The following NBAS variants were observed in gnomAD, a reference collection of about 807,000 sequenced individuals.
NBAS encodes NAG/BC035112 fusion.
In NBAS, 219 loss-of-function variants were observed where a neutral mutation model predicts 302.5. The ratio of observed to expected loss-of-function variants is 0.72; its 90% confidence interval spans 0.65 to 0.81. The LOEUF is 0.81. Ranked by LOEUF, NBAS falls within the 30% of genes least tolerant of loss-of-function variation. The pLI, the probability that NBAS is intolerant of heterozygous loss-of-function variation, is 0.00. For missense variants in NBAS, 2,932 were observed against 2,841.6 expected, an observed-to-expected ratio of 1.03 and a Z score of -0.72; for synonymous variants, 1,118 against 1,021.6, an observed-to-expected ratio of 1.09 and a Z score of -1.80.
At chr2:15,054,567 C>T in the NBAS span, among the ~76,000 whole-genome samples, 1 of 152,342 alleles carries the variant, frequency 6.6e-6, no homozygotes, top group Admixed American at 6.5e-5. Flanking sequence ...TGGACTCAAA[C>T]TCCATAACGT....
At chr2:14,985,031 TATC>T in the NBAS span, among the ~76,000 whole-genome samples, 1 of 152,140 alleles carries the variant, frequency 6.6e-6, no homozygotes. Context: ...TTCGTGAAAT[TATC>T]ATAAATAAAG....
intron 11 of NBAS, among the ~76,000 whole-genome samples, chr2:15,498,593 T>C (rs1177526895): frequency 6.6e-6 from 1 of 152,128 alleles, no homozygotes; most frequent in African/African-American, 2.4e-5. Context: ...GTGATATGGT[T>C]TGGATCTGCG....
the NBAS span, among the ~76,000 whole-genome samples, chr2:15,051,768 G>A: frequency 1.3e-5 from 2 of 152,236 alleles, no homozygotes; most frequent in Middle Eastern, 3.4e-3. Context: ...TGTCACCGTG[G>A]GACTTCCATC....
intron 23 of NBAS, 31 bp downstream of exon 23, chr2:15,424,284 T>C (rs1179518428): frequency 6.2e-7 from 1 of 1,613,474 alleles, no homozygotes; most frequent in Non-Finnish European, 8.5e-7. Flanking sequence ...TCCACTAACA[T>C]TACTGAGCAG....
At chr2:14,930,900 A>T in the NBAS span, among the ~76,000 whole-genome samples, 2 of 152,184 alleles carry the variant, frequency 1.3e-5, no homozygotes, top group African/African-American at 2.4e-5. Flanking sequence ...AAGGTATATA[A>T]TTTTCTGAGT....
intron 48 of NBAS, among the ~76,000 whole-genome samples, chr2:15,215,637 T>C (rs1026739235): frequency 1.1e-4 from 16 of 152,180 alleles, no homozygotes; most frequent in Non-Finnish European, 2.2e-4. Flanking sequence ...CAAGAGCTCA[T>C]ACAGTCAATA....
chr2:15,557,879 A>G (rs1011632071), intron 2 of NBAS, among the ~76,000 whole-genome samples: 3 of 152,170 alleles, frequency 2.0e-5, no homozygotes, highest in African/African-American at 4.8e-5. Context: ...GACTCTTGTT[A>G]GTTCATACGT....
At chr2:14,781,686 C>G in the NBAS span, among the ~76,000 whole-genome samples, 2 of 149,608 alleles carry the variant, frequency 1.3e-5, no homozygotes, top group Non-Finnish European at 2.9e-5. Context: ...TGAGACCTCC[C>G]TGAGAGTACT....
At chr2:15,193,888 C>A (rs1665483705) in intron 48 of NBAS, among the ~76,000 whole-genome samples, 1 of 151,774 alleles carries the variant, frequency 6.6e-6, no homozygotes, top group Non-Finnish European at 1.5e-5. Context: ...CTATAGGAGT[C>A]ATAAAAGAGA....
the NBAS span, among the ~76,000 whole-genome samples, chr2:14,843,252 C>T: frequency 5.9e-5 from 9 of 151,998 alleles, no homozygotes; most frequent in Non-Finnish European, 1.3e-4. Flanking sequence ...CTCTAAGATC[C>T]GGACCAAGAC....
In NBAS at chr2:15,308,079, C is replaced by T. The variant is rs1324935317; in HGVS notation, c.4797+137G>A. 3 of 1,333,900 alleles carry T rather than the reference C, an allele frequency of 2.2e-6. No homozygotes were observed. The African/African-American group carries it at 4.4e-5, about 19-fold the overall frequency. The allele number at this position is 1,333,900 out of a possible 1,614,324, so 82.6% of individuals were successfully genotyped here. A position where few individuals can be genotyped will look rare whatever the true frequency, so the allele number is the denominator to read the frequency against. On this transcript the variant is annotated intron_variant, in intron 40 of 51. Transcript: ENST00000281513. ...AGCAACTTTGTCGAATACAGGAAAG[C>T]CAAGAGCTGCCTGCCACTTGGAATA...
At chr2:14,966,817 AAGAAGT>A in the NBAS span, among the ~76,000 whole-genome samples, 5,733 of 152,238 alleles carry the variant, frequency 0.038, 273 homozygotes, top group East Asian at 0.1. Context: ...ACTTAAGAAA[AAGAAGT>A]AGAAGTCATC....
At chr2:15,330,486 G>A in intron 36 of NBAS, 112 bp downstream of exon 36, 1 of 1,403,600 alleles carries the variant, frequency 7.1e-7, no homozygotes, top group South Asian at 1.2e-5. Context: ...TTAAGAGATT[G>A]TTTTAACAAT....
At chr2:14,832,910 C>T in the NBAS span, among the ~76,000 whole-genome samples, 2 of 152,262 alleles carry the variant, frequency 1.3e-5, no homozygotes, top group South Asian at 2.1e-4. Context: ...CAGGTGAGAA[C>T]CACTGTTCTA....
At chr2:15,449,776 C>A (rs1295155916) in intron 21 of NBAS, among the ~76,000 whole-genome samples, 1 of 152,154 alleles carries the variant, frequency 6.6e-6, no homozygotes, top group African/African-American at 2.4e-5. Flanking sequence ...TCAGGAACTG[C>A]CAGCATATTC....
chr2:15,094,000 C>A, the NBAS span, among the ~76,000 whole-genome samples: 1 of 152,122 alleles, frequency 6.6e-6, no homozygotes, highest in African/African-American at 2.4e-5. Flanking sequence ...TTTCTTGTTA[C>A]TAAGAGACTC....
chr2:15,548,957 G>A (rs895617725), intron 6 of NBAS, among the ~76,000 whole-genome samples: 8 of 152,098 alleles, frequency 5.3e-5, no homozygotes, highest in Admixed American at 1.3e-4. Context: ...GGCTGATTGC[G>A]AAAAGTCTTT....
At chr2:15,127,696 C>A in the NBAS span, among the ~76,000 whole-genome samples, 48,535 of 152,012 alleles carry the variant, frequency 0.32, 7,933 homozygotes, top group South Asian at 0.37. Context: ...TTTTATCTAA[C>A]CTTTCCAGAC....
chr2:15,442,913 T>A (rs1438257823), intron 21 of NBAS, among the ~76,000 whole-genome samples: 1 of 152,088 alleles, frequency 6.6e-6, no homozygotes, highest in African/African-American at 2.4e-5. Context: ...AAGAAATGGA[T>A]AAATTCCTCG....
Sources: allele counts gnomAD v4.1 joint callset (sites outside exome capture counted in the v4.1 genomes callset), GRCh38; gene constraint gnomAD v4.1.1; transcripts MANE v1.5; gene names NCBI Gene and HGNC (gene_info 2026-07-23, HGNC 2026-07-21).